Variants in PCLO observed in about 807,000 individuals in gnomAD.
PCLO encodes piccolo presynaptic cytomatrix protein.
Under a neutral mutation model 427.5 loss-of-function variants are expected in PCLO, and 82 were observed. The observed-to-expected ratio is 0.19, with a 90% CI of 0.16 to 0.23. PCLO has a LOEUF of 0.23. PCLO is among the 10% of genes least tolerant of loss of function. The probability of loss-of-function intolerance (pLI) is 1.00; values close to 1 mark genes in which losing one functional copy is unlikely to be tolerated. For missense variants in PCLO, 6,239 were observed against 6,115.9 expected (o/e 1.02, Z -0.67); for synonymous variants, 2,357 against 2,155.4 (o/e 1.09, Z -2.59).
chr7:83,080,193 C>A (rs1342717504), intron 3 of PCLO, among the ~76,000 whole-genome samples: 3 of 152,208 alleles, frequency 2.0e-5, no homozygotes, highest in East Asian at 1.9e-4. Flanking sequence ...CGCATGCATG[C>A]ATCTTTGTAA....
chr7:82,950,331 G>A lies in PCLO; in HGVS notation c.10257C>T (p.Val3419=), dbSNP rs1795307844. 2 of 1,613,442 alleles carry A rather than the reference G, an allele frequency of 1.2e-6. No individual in the cohort carries two copies. The highest frequency in any genetic ancestry group is 2.7e-5 in the African/African-American group (2 of 74,836). The change falls in exon 6 of 25, where the codon GTC becomes GTT. Residue 3419 remains valine, a synonymous_variant. Transcript: ENST00000333891. ...QPKKRSSGAK[V]RGQYDDMGEN... ...CTCCCATGTCATCATACTGTCCTCG[G>A]ACTTTAGCTCCAGAACTTCTCTTTT...
At chr7:82,796,029 G>A (rs1425474871) in intron 22 of PCLO, among the ~76,000 whole-genome samples, 1 of 152,120 alleles carries the variant, frequency 6.6e-6, no homozygotes, top group African/African-American at 2.4e-5. Flanking sequence ...ATCTCTGAAA[G>A]TCTAAAATAT....
chr7:82,788,891 T>G (rs541030545), intron 22 of PCLO, among the ~76,000 whole-genome samples: 1 of 151,850 alleles, frequency 6.6e-6, no homozygotes, highest in South Asian at 2.1e-4. Flanking sequence ...GCAAAATAAA[T>G]AGTGACTCAT....
rs1451566634 is a variant in PCLO at position 83,135,346 on chromosome 7, G to T, written c.2204C>A (p.Pro735His). The T allele has an allele frequency of 1.2e-6, 2 of 1,613,818 alleles. No homozygotes were observed. Among genetic ancestry groups the T allele is most frequent in the Non-Finnish European group, 1.7e-6 (2 of 1,179,900 alleles). ...CTCAGATGGGACAGAAGGTTCTTTG[G>T]GAGGGGCTGGCTTGGACAAAGAATC... ...EADSLSKPAP[P>H]KEPSVPSEQD... Residue 735 changes from proline (P) to histidine (H), a missense_variant, in exon 3 of 25, where the codon CCC becomes CAC. Pro to His is a moderately conservative substitution (Grantham distance 77). This residue lies in a region of PCLO where 4,677 missense variants were observed against 4,468.4 expected (regional missense o/e 1.05). Coordinates refer to ENST00000333891, the MANE Select transcript of PCLO (RefSeq NM_033026.6).
At chr7:83,159,327 G>C (rs1168335511) in intron 1 of PCLO, among the ~76,000 whole-genome samples, 2 of 152,026 alleles carry the variant, frequency 1.3e-5, no homozygotes, top group Admixed American at 1.3e-4. Context: ...AAGTAGTAAA[G>C]AAAATAATCA....
chr7:83,130,507 T>C (rs1791544986), intron 3 of PCLO, among the ~76,000 whole-genome samples: 1 of 152,240 alleles, frequency 6.6e-6, no homozygotes, highest in East Asian at 1.9e-4. Context: ...TTGAAACTAA[T>C]TAATGGTAGA....
intron 3 of PCLO, among the ~76,000 whole-genome samples, chr7:83,104,374 T>A (rs1192006036): frequency 1.3e-5 from 2 of 152,066 alleles, no homozygotes; most frequent in South Asian, 4.1e-4. Flanking sequence ...AGCCATTTAA[T>A]AATATACGCA....
Position 82,915,877 on chromosome 7 carries a change from C to G in PCLO, c.12109G>C (p.Asp4037His), listed in dbSNP as rs1463943505. 1 of 1,613,586 alleles carries G rather than the reference C, an allele frequency of 6.2e-7. No individual in the cohort carries two copies. Among genetic ancestry groups the G allele is most frequent in the Non-Finnish European group, 8.5e-7 (1 of 1,179,784 alleles). Residue 4037 changes from aspartate to histidine, a missense_variant, in exon 7 of 25, where the codon GAT becomes CAT. By Grantham distance (81) the Asp-to-His change is moderately conservative (BLOSUM62 -1). This residue lies in a region of PCLO where 680 missense variants were observed against 677.3 expected (regional missense o/e 1.00). Transcript: ENST00000333891. The part of the protein sequence containing the change: ...SSISADSFYA[D>H]IDHHTPRNYV... The stretch of plus-strand genomic sequence containing the variant: ...TTTCGTGGAGTATGGTGATCAATAT[C>G]TGCATAGAAAGAATCTGCAGATATG...
intron 3 of PCLO, among the ~76,000 whole-genome samples, chr7:83,124,816 A>G (rs535888830): frequency 6.6e-6 from 1 of 151,870 alleles, no homozygotes; most frequent in South Asian, 2.1e-4. Flanking sequence ...CTGAGGCTGG[A>G]CTGTACTGCT....
intron 3 of PCLO, among the ~76,000 whole-genome samples, chr7:83,128,800 C>T (rs1208424600): frequency 6.6e-6 from 1 of 152,098 alleles, no homozygotes; most frequent in African/African-American, 2.4e-5. Flanking sequence ...ATCATTTGAA[C>T]ATTGAACCAT....
chr7:82,864,422 G>A (rs1045009281), intron 10 of PCLO, among the ~76,000 whole-genome samples: 1 of 152,054 alleles, frequency 6.6e-6, no homozygotes, highest in Non-Finnish European at 1.5e-5. Context: ...ATAGATGGGA[G>A]GTGAGAATGG....
chr7:82,982,779 T>C (rs1346340253), intron 3 of PCLO, among the ~76,000 whole-genome samples: 1 of 151,978 alleles, frequency 6.6e-6, no homozygotes, highest in African/African-American at 2.4e-5. Context: ...TAATTTGATA[T>C]TACTGATATT....
At chr7:83,138,213 A>T (rs902022447) in intron 2 of PCLO, among the ~76,000 whole-genome samples, 1 of 152,238 alleles carries the variant, frequency 6.6e-6, no homozygotes, top group Non-Finnish European at 1.5e-5. Flanking sequence ...ACTAGTTTAA[A>T]TTATAAATTT....
rs746440597 is a variant in PCLO at position 82,950,227 on chromosome 7, T to C, written c.10361A>G (p.Asp3454Gly). Residue 3454 changes from aspartate to glycine, a missense_variant, in exon 6 of 25, where the codon GAT becomes GGT. Coordinates refer to ENST00000333891, the MANE Select transcript of PCLO (RefSeq NM_033026.6). ...CCTTCTCCTACTCACATAGCTCCGA[T>C]CTGTGGCATCTTCGTCATCCGTTTG... ...GVQTDDEDAT[D>G]RSYVSRRRRT... 10 of 1,612,760 alleles carry C rather than the reference T, an allele frequency of 6.2e-6. No individual in the cohort carries two copies. The highest frequency in any genetic ancestry group is 1.3e-5 in the African/African-American group (1 of 74,456).
Position 82,901,979 on chromosome 7 carries a change from G to A in PCLO, c.13528+672C>T, listed in dbSNP as rs1794052688. Among the ~76,000 whole-genome samples the A allele has an allele frequency of 5.3e-5, 8 of 151,514 alleles. No individual in the cohort carries two copies. In the South Asian group the frequency reaches 1.7e-3, roughly 32 times the overall value. ...AGGAACACTTTTACACTGTTGGTGGGACTGTAAACTAGTTCAACCATTGTG... is the reference window on the plus strand; with the variant it reads ...AGGAACACTTTTACACTGTTGGTGGAACTGTAAACTAGTTCAACCATTGTG... On this transcript the variant is annotated intron_variant, in intron 9 of 24. Transcript: ENST00000333891.
intron 10 of PCLO, among the ~76,000 whole-genome samples, chr7:82,873,748 G>C (rs928443984): frequency 6.6e-6 from 1 of 151,532 alleles, no homozygotes; most frequent in African/African-American, 2.4e-5. Flanking sequence ...CTGGACTAAA[G>C]AAGAACTGGC....
chr7:82,902,952 C>T (rs1434478359), intron 8 of PCLO, among the ~76,000 whole-genome samples: 2 of 151,910 alleles, frequency 1.3e-5, no homozygotes, highest in African/African-American at 4.8e-5. Context: ...CATTTATAAC[C>T]AATTGCTCTT....
chr7:82,975,860 C>A (rs550663387), intron 3 of PCLO, among the ~76,000 whole-genome samples: 6 of 152,148 alleles, frequency 3.9e-5, no homozygotes, highest in Non-Finnish European at 4.4e-5. Context: ...CCTGCACTTT[C>A]TCTCTCCTAC....
At chr7:83,035,678 G>A (rs893223012) in intron 3 of PCLO, among the ~76,000 whole-genome samples, 13 of 151,764 alleles carry the variant, frequency 8.6e-5, no homozygotes, top group African/African-American at 2.4e-4. Flanking sequence ...CATCTTTGAC[G>A]CGTTTATTTT....
Sources: allele counts gnomAD v4.1 joint callset (sites outside exome capture counted in the v4.1 genomes callset), GRCh38; gene constraint gnomAD v4.1.1; regional missense constraint gnomAD v4.1.1; transcripts MANE v1.5; gene names NCBI Gene and HGNC (gene_info 2026-07-23, HGNC 2026-07-21).